The following EXD1 variants were observed in gnomAD, a reference collection of about 807,000 sequenced individuals.
The protein encoded by EXD1 is piRNA biogenesis protein EXD1.
A neutral mutation model predicts 49.1 loss-of-function variants in EXD1; 63 were observed. The observed-to-expected ratio is 1.28, with a 90% CI of 1.05 to 1.58. The LOEUF (loss-of-function observed/expected upper bound fraction) is 1.58, where lower values mean the gene tolerates loss of function less well. Ranked by LOEUF, EXD1 falls within the 40% of genes most tolerant of loss-of-function variation. The pLI, the probability that EXD1 is intolerant of heterozygous loss-of-function variation, is 0.00. For synonymous variants in EXD1, 234 were observed against 239.2 expected (o/e 0.98, Z 0.20); for missense variants, 748 against 666.0 (o/e 1.12, Z -1.36).
At chr15:41,215,720 C>T (rs2046989741) in intron 6 of EXD1, 55 bp downstream of exon 6, 13 of 1,517,042 alleles carry the variant, frequency 8.6e-6, no homozygotes, top group Non-Finnish European at 1.2e-5. Context: ...TTATGACACA[C>T]AGACATGATA....
At position 41,183,798 on chromosome 15, in the gene EXD1, C is replaced by G; in HGVS notation, c.*133G>C. 1.3e-6 allele frequency: 1 copy of G among 777,514 alleles called. No individual in the cohort carries two copies. Among genetic ancestry groups the G allele is most frequent in the Non-Finnish European group, 2.0e-6 (1 of 496,568 alleles). The allele number at this position is 777,514 out of a possible 1,614,324, so 48.2% of individuals were successfully genotyped here. A position where few individuals can be genotyped will look rare whatever the true frequency, so the allele number is the denominator to read the frequency against. Reference sequence around the variant, plus strand: ...CGCATACCAGGAACACAGGAGTAAGCAAGAGGATATAATTTTCCCCTGTGA... The same window carrying G: ...CGCATACCAGGAACACAGGAGTAAGGAAGAGGATATAATTTTCCCCTGTGA... On this transcript the variant is annotated 3_prime_UTR_variant, in exon 12 of 12. Transcript: ENST00000458580.
intron 1 of EXD1, among the ~76,000 whole-genome samples, chr15:41,229,249 G>A (rs940805363): frequency 3.9e-5 from 6 of 152,190 alleles, no homozygotes; most frequent in East Asian, 1.9e-4. Context: ...AGGCCGAGGC[G>A]GGTGGATCAC....
chr15:41,215,907 A>C, intron 5 of EXD1, 74 bp from the exon 6 acceptor site: 4 of 1,471,164 alleles, frequency 2.7e-6, no homozygotes, highest in Non-Finnish European at 3.8e-6. Context: ...AATTTTGGCC[A>C]CACTCATATA....
At chr15:41,222,347 GGAGGTTGCAGTGAGTC>G (rs1429815150) in intron 2 of EXD1, among the ~76,000 whole-genome samples, 1 of 152,132 alleles carries the variant, frequency 6.6e-6, no homozygotes, top group Non-Finnish European at 1.5e-5. Flanking sequence ...CCTGGGAGGC[GGAGGTTGCAGTGAGTC>G]GAGATCCCTC....
intron 10 of EXD1, 107 bp from the exon 11 acceptor site, chr15:41,190,235 G>GATTAC: frequency 8.4e-7 from 1 of 1,190,070 alleles, no homozygotes; most frequent in Non-Finnish European, 1.2e-6. Flanking sequence ...AGCACTCTGG[G>GATTAC]AGGCTGAGGC....
chr15:41,215,477 G>C (rs968446977), intron 6 of EXD1, among the ~76,000 whole-genome samples: 1 of 152,092 alleles, frequency 6.6e-6, no homozygotes, highest in African/African-American at 2.4e-5. Flanking sequence ...ACGAGGTCAG[G>C]AGATCGAGAC....
At position 41,191,601 on chromosome 15, in the gene EXD1, A is replaced by G; in HGVS notation, c.721-16T>C. 1 of 1,612,840 alleles carries G rather than the reference A, an allele frequency of 6.2e-7. No individual in the cohort carries two copies. Among genetic ancestry groups the G allele is most frequent in the Non-Finnish European group, 8.5e-7 (1 of 1,179,302 alleles). ...CATCTGCTACCTGTGGTATTTTAAAAAGACAAACAGACCAGTTGAATATAT... is the reference window on the plus strand; with the variant it reads ...CATCTGCTACCTGTGGTATTTTAAAGAGACAAACAGACCAGTTGAATATAT... On this transcript the variant is annotated splice_polypyrimidine_tract_variant and intron_variant, in intron 9 of 11. Transcript: ENST00000458580.
Position 41,215,658 on chromosome 15 carries a change from C to T in EXD1, c.447+117G>A, listed in dbSNP as rs551570825. 4.7e-6 allele frequency: 5 copies of T among 1,055,084 alleles called. No homozygotes were observed. In the East Asian group the frequency reaches 1.2e-4, roughly 26 times the overall value. 65.4% of individuals were successfully genotyped at this position (1,055,084 alleles called of 1,614,324 possible). A position where few individuals can be genotyped will look rare whatever the true frequency, so the allele number is the denominator to read the frequency against. ...CCAAGATTGGTCCACTGCACTCCAA[C>T]CTGGGCGATAGAGCAAGACTCCGTC... is the stretch of plus-strand genomic sequence containing the variant. On this transcript the variant is annotated intron_variant, in intron 6 of 11. Coordinates refer to ENST00000458580, the MANE Select transcript of EXD1 (RefSeq NM_001286441.2).
chr15:41,207,339 C>T (rs761422330), intron 7 of EXD1, among the ~76,000 whole-genome samples: 1 of 151,868 alleles, frequency 6.6e-6, no homozygotes, highest in Non-Finnish European at 1.5e-5. Context: ...GTCGGGAGTT[C>T]GAGACCAGCC....
In EXD1 at chr15:41,186,470, C is replaced by CAAAAAAA. The variant is rs58793050; in HGVS notation, c.1057-1884_1057-1878dup. 2.9e-5 allele frequency among the ~76,000 whole-genome samples: 2 copies of CAAAAAAA among 68,280 alleles called. 1 individual carries two copies. The highest frequency in any genetic ancestry group is 5.5e-5 in the Non-Finnish European group (2 of 36,626). The allele number at this position is 68,280 out of a possible 152,430, so 44.8% of individuals were successfully genotyped here. On this transcript the variant is annotated intron_variant, in intron 11 of 11. Coordinates refer to ENST00000458580, the MANE Select transcript of EXD1 (RefSeq NM_001286441.2). The stretch of plus-strand genomic sequence containing the variant: ...CTGGGTGATGAGCAAGACTCTGTCT[C>CAAAAAAA]AAAAAAAAAAAAAAAAAAATCAGAA...
At chr15:41,229,839 G>C (rs545151995) in intron 1 of EXD1, among the ~76,000 whole-genome samples, 1 of 152,280 alleles carries the variant, frequency 6.6e-6, no homozygotes, top group Non-Finnish European at 1.5e-5. Context: ...TGCAGGGAAC[G>C]TGTGGGGCCT....
At chr15:41,217,067 A>G (rs1236897952) in intron 4 of EXD1, 30 bp downstream of exon 4, 2 of 1,594,068 alleles carry the variant, frequency 1.3e-6, no homozygotes, top group Non-Finnish European at 8.6e-7. Flanking sequence ...TTTGGAAAAT[A>G]TCATAATTAA....
At chr15:41,195,188 A>G (rs376962421) in intron 9 of EXD1, among the ~76,000 whole-genome samples, 8 of 152,204 alleles carry the variant, frequency 5.3e-5, no homozygotes, top group African/African-American at 1.2e-4. Flanking sequence ...AGGGCTTGAG[A>G]CTAGCCTGGG....
rs148449394 is a variant in EXD1 at position 41,191,978 on chromosome 15, T to C, written c.721-393A>G. 35 of 175,200 alleles carry C rather than the reference T, an allele frequency of 2.0e-4. No individual in the cohort carries two copies. The East Asian group carries it at 5.5e-3, about 28-fold the overall frequency. 10.9% of individuals were successfully genotyped at this position (175,200 alleles called of 1,614,324 possible). Reference sequence around the variant, plus strand: ...TTTTTTTTTTTAAGAGACAGGGTCTTACTATGTCGTCCAGGCTGGAGTGCA... The same window carrying C: ...TTTTTTTTTTTAAGAGACAGGGTCTCACTATGTCGTCCAGGCTGGAGTGCA... On this transcript the variant is annotated intron_variant, in intron 9 of 11. Transcript: ENST00000458580.
intron 2 of EXD1, among the ~76,000 whole-genome samples, chr15:41,223,959 G>A (rs2047126324): frequency 6.6e-6 from 1 of 152,106 alleles, no homozygotes; most frequent in South Asian, 2.1e-4. Flanking sequence ...CTGGCCTCAA[G>A]CAATACTGCC....
At chr15:41,217,026 A>G in intron 4 of EXD1, 71 bp downstream of exon 4, 3 of 1,413,286 alleles carry the variant, frequency 2.1e-6, no homozygotes, top group Non-Finnish European at 3.0e-6. Flanking sequence ...CTGGTGAATT[A>G]GAGTTAAGGC....
intron 7 of EXD1, among the ~76,000 whole-genome samples, chr15:41,207,853 A>G (rs2046857465): frequency 6.6e-6 from 1 of 151,942 alleles, no homozygotes; most frequent in Admixed American, 6.6e-5. Flanking sequence ...TCTACTAAAA[A>G]GACAAAAATT....
chr15:41,230,683 T>A lies in EXD1; in HGVS notation c.-258A>T, dbSNP rs1008790084. 2.6e-5 allele frequency: 23 copies of A among 899,102 alleles called. No individual in the cohort carries two copies. The highest frequency in any genetic ancestry group is 5.6e-5 in the Admixed American group (2 of 35,776). The allele number at this position is 899,102 out of a possible 1,614,324, so 55.7% of individuals were successfully genotyped here. ...GTTATCAAATCACAGGCTGAAAACC[T>A]GGAGAAAGGTCCGCGACGCCGGGGA... On this transcript the variant is annotated 5_prime_UTR_variant, in exon 1 of 12. Coordinates refer to ENST00000458580, the MANE Select transcript of EXD1 (RefSeq NM_001286441.2).
intron 7 of EXD1, among the ~76,000 whole-genome samples, chr15:41,204,815 C>A (rs147840302): frequency 1.3e-5 from 2 of 152,100 alleles, no homozygotes; most frequent in East Asian, 3.8e-4. Flanking sequence ...TTTCCCTCTG[C>A]CTCTGTATGT....
Sources: gnomAD v4.1 joint callset for allele counts (sites outside exome capture counted in the v4.1 genomes callset) on GRCh38, gnomAD v4.1.1 for gene constraint, MANE v1.5 for transcripts, NCBI Gene and HGNC (gene_info 2026-07-23, HGNC 2026-07-21) for gene names.